The following SLC25A26 variants were observed in gnomAD, a reference collection of about 807,000 sequenced individuals.
SLC25A26 encodes mitochondrial S-adenosylmethionine carrier protein.
A neutral mutation model predicts 37.8 loss-of-function variants in SLC25A26; 36 were observed. That is an observed-to-expected ratio of 0.95 (90% CI 0.73 to 1.26). The LOEUF is 1.26. Ranked by LOEUF, SLC25A26 falls within the 50% of genes most tolerant of loss-of-function variation. SLC25A26 has a pLI of 0.00. For synonymous variants in SLC25A26, 129 were observed against 122.5 expected, an observed-to-expected ratio of 1.05 and a Z score of -0.35; for missense variants, 390 against 331.1, an observed-to-expected ratio of 1.18 and a Z score of -1.38.
chr3:66,171,554 A>G (rs1279138957), intron 1 of SLC25A26, among the ~76,000 whole-genome samples: 1 of 151,924 alleles, frequency 6.6e-6, no homozygotes, highest in Non-Finnish European at 1.5e-5. Flanking sequence ...CAGTGGTGCA[A>G]TCTTTGCTCA....
chr3:66,328,251 C>G (rs2075886631), intron 5 of SLC25A26, among the ~76,000 whole-genome samples: 2 of 152,082 alleles, frequency 1.3e-5, no homozygotes, highest in African/African-American at 4.8e-5. Context: ...GATGCAAATT[C>G]AAAGAACAGG....
At chr3:66,319,978 C>T (rs907063268) in intron 5 of SLC25A26, among the ~76,000 whole-genome samples, 1 of 151,954 alleles carries the variant, frequency 6.6e-6, no homozygotes, top group Non-Finnish European at 1.5e-5. Flanking sequence ...AACTCCCAAC[C>T]TCAGGTGATC....
chr3:66,155,532 A>G (rs1226109689), intron 1 of SLC25A26, among the ~76,000 whole-genome samples: 1 of 152,214 alleles, frequency 6.6e-6, no homozygotes, highest in Non-Finnish European at 1.5e-5. Flanking sequence ...AAGGAAAGAA[A>G]GAAAAGGGAA....
chr3:66,307,839 G>T (rs1476759403), intron 5 of SLC25A26, among the ~76,000 whole-genome samples: 1 of 152,102 alleles, frequency 6.6e-6, no homozygotes, highest in African/African-American at 2.4e-5. Context: ...TGAGGCCTCT[G>T]TTCTGTTCCA....
At chr3:66,311,188 T>C (rs2075366436) in intron 5 of SLC25A26, among the ~76,000 whole-genome samples, 3 of 152,118 alleles carry the variant, frequency 2.0e-5, no homozygotes, top group Non-Finnish European at 4.4e-5. Flanking sequence ...CTTTGTTCGT[T>C]CCTTTTCATT....
intron 5 of SLC25A26, among the ~76,000 whole-genome samples, chr3:66,312,379 C>T (rs1429401922): frequency 1.3e-5 from 2 of 152,146 alleles, no homozygotes; most frequent in African/African-American, 4.8e-5. Context: ...GCTTTGCTGG[C>T]AGCAAGAATT....
chr3:66,377,611 G>T, intron 9 of SLC25A26, 79 bp from the exon 10 acceptor site: 2 of 1,136,276 alleles, frequency 1.8e-6, no homozygotes, highest in Non-Finnish European at 1.3e-6. Flanking sequence ...GGTGTATTGA[G>T]CTGAGCAAGC....
chr3:66,160,424 G>T (rs2070341563), intron 1 of SLC25A26, among the ~76,000 whole-genome samples: 1 of 152,168 alleles, frequency 6.6e-6, no homozygotes, highest in African/African-American at 2.4e-5. Flanking sequence ...CCAAAACACT[G>T]TCAAGATGAC....
rs377676863 is a variant in SLC25A26, at chr3:66,263,572, G to C, written c.453+193G>C. 3.9e-5 allele frequency among the ~76,000 whole-genome samples: 6 copies of C among 152,152 alleles called. No individual in the cohort carries two copies. In the East Asian group the frequency reaches 9.6e-4, roughly 24 times the overall value. On this transcript the variant is annotated intron_variant, in intron 5 of 9. Coordinates refer to ENST00000354883, the MANE Select transcript of SLC25A26 (RefSeq NM_001379210.1). ...AAAGAATGAGTAGAATGGGTTTGCC[G>C]GAAGAGCAATTTCAGTGGTCAGAAT...
At chr3:66,250,268 C>T (rs782325827) in intron 3 of SLC25A26, among the ~76,000 whole-genome samples, 2 of 152,178 alleles carry the variant, frequency 1.3e-5, no homozygotes, top group Non-Finnish European at 2.9e-5. Flanking sequence ...GGATTTAGAT[C>T]TGAAGTTCCT....
At chr3:66,183,022 A>T (rs905265708) in intron 1 of SLC25A26, among the ~76,000 whole-genome samples, 1 of 152,170 alleles carries the variant, frequency 6.6e-6, no homozygotes, top group African/African-American at 2.4e-5. Flanking sequence ...CTTTCGGTGC[A>T]TATAAATAAT....
intron 1 of SLC25A26, among the ~76,000 whole-genome samples, chr3:66,192,983 CT>C (rs1461035387): frequency 2.6e-5 from 4 of 152,004 alleles, no homozygotes; most frequent in Non-Finnish European, 5.9e-5. Flanking sequence ...GAAATATTCC[CT>C]TAATTAGAGA....
chr3:66,302,406 A>G (rs1229546619), intron 5 of SLC25A26, among the ~76,000 whole-genome samples: 6 of 152,214 alleles, frequency 3.9e-5, no homozygotes, highest in Admixed American at 1.3e-4. Flanking sequence ...TGTCTAGAAC[A>G]GAGTAGCGGC....
chr3:66,142,096 A>G (rs941620829), intron 1 of SLC25A26, among the ~76,000 whole-genome samples: 8 of 152,326 alleles, frequency 5.3e-5, no homozygotes, highest in African/African-American at 1.7e-4. Flanking sequence ...AAACATTTTC[A>G]TCACTCCAAA....
chr3:66,260,699 G>T (rs926740021), intron 3 of SLC25A26, among the ~76,000 whole-genome samples: 1 of 152,130 alleles, frequency 6.6e-6, no homozygotes, highest in Non-Finnish European at 1.5e-5. Flanking sequence ...TCTTGCCAAG[G>T]CTAATTCCCT....
intron 5 of SLC25A26, among the ~76,000 whole-genome samples, chr3:66,336,434 C>T (rs951273102): frequency 2.0e-5 from 3 of 151,806 alleles, no homozygotes; most frequent in African/African-American, 7.3e-5. Flanking sequence ...TTCTCAGCTG[C>T]AAGAAAAAAA....
intron 1 of SLC25A26, among the ~76,000 whole-genome samples, chr3:66,175,541 A>T (rs1434059802): frequency 6.6e-6 from 1 of 152,148 alleles, no homozygotes; most frequent in Non-Finnish European, 1.5e-5. Context: ...GTTTATTATT[A>T]AAAAATGGCA....
intron 6 of SLC25A26, among the ~76,000 whole-genome samples, chr3:66,351,802 A>C (rs57098466): frequency 0.019 from 2,936 of 152,260 alleles, 81 homozygotes; most frequent in African/African-American, 0.057. Flanking sequence ...TTTATCCTTC[A>C]TCATCTAGCC....
intron 9 of SLC25A26, chr3:66,371,246 T>C (rs1473486494): frequency 6.5e-7 from 1 of 1,544,538 alleles, no homozygotes; most frequent in Admixed American, 2.0e-5. Context: ...AGCAGTGGCC[T>C]CCCTTTGCAG....
Sources: allele counts gnomAD v4.1 joint callset (sites outside exome capture counted in the v4.1 genomes callset), GRCh38; gene constraint gnomAD v4.1.1; transcripts MANE v1.5; gene names NCBI Gene and HGNC (gene_info 2026-07-23, HGNC 2026-07-21).